The following MLLT10 variants were observed in gnomAD, a reference collection of about 807,000 sequenced individuals.
MLLT10 encodes the protein MLLT10 histone lysine methyltransferase DOT1L cofactor.
MLLT10 carries 30 observed loss-of-function variants against 129.1 expected under a neutral mutation model. That is an observed-to-expected ratio of 0.23 (90% CI 0.17 to 0.32). MLLT10 has a LOEUF of 0.32. MLLT10 is among the 10% of genes least tolerant of loss of function. MLLT10 has a pLI of 1.00. For synonymous variants in MLLT10, 490 were observed against 446.4 expected, an observed-to-expected ratio of 1.10 and a Z score of -1.23; for missense variants, 1,119 against 1,268.3, an observed-to-expected ratio of 0.88 and a Z score of 1.79.
intron 8 of MLLT10, among the ~76,000 whole-genome samples, chr10:21,643,861 A>G (rs2048242491): frequency 6.6e-6 from 1 of 152,148 alleles, no homozygotes. Flanking sequence ...TCTCTGCTTC[A>G]GGGATACACG....
chr10:21,677,382 G>T (rs1035598173), intron 11 of MLLT10, among the ~76,000 whole-genome samples: 2 of 152,170 alleles, frequency 1.3e-5, no homozygotes, highest in African/African-American at 2.4e-5. Context: ...AATGTATACA[G>T]TCATCCTTTG....
intron 13 of MLLT10, among the ~76,000 whole-genome samples, chr10:21,688,182 C>T (rs2053489858): frequency 6.6e-6 from 1 of 152,174 alleles, no homozygotes; most frequent in Non-Finnish European, 1.5e-5. Context: ...AATGAATCTA[C>T]ACTCTTTCAT....
Position 21,743,388 on chromosome 10 carries a change from TAATTG to T in MLLT10, c.*1408_*1412del, listed in dbSNP as rs1435241672. 4.8e-6 allele frequency: 1 copy of T among 207,282 alleles called. No individual in the cohort carries two copies. The highest frequency in any genetic ancestry group is 9.9e-6 in the Non-Finnish European group (1 of 101,430). 12.8% of individuals were successfully genotyped at this position (207,282 alleles called of 1,614,324 possible). Reference sequence around the variant, plus strand: ...TTGTAATATTTCTAATTGGTAGATTTAATTGAAAAGTAAAATTAATTTATTTTTAT... The same window carrying T: ...TTGTAATATTTCTAATTGGTAGATTTAAAAGTAAAATTAATTTATTTTTAT... On this transcript the variant is annotated 3_prime_UTR_variant, in exon 23 of 23. Coordinates refer to ENST00000307729, the MANE Select transcript of MLLT10 (RefSeq NM_001195626.3).
chr10:21,542,161 G>C (rs1339847407), intron 3 of MLLT10, among the ~76,000 whole-genome samples: 1 of 152,182 alleles, frequency 6.6e-6, no homozygotes. Context: ...TGAATAGGGA[G>C]TGTCAGAATG....
At chr10:21,537,676 C>A (rs1309438458) in intron 2 of MLLT10, among the ~76,000 whole-genome samples, 1 of 152,010 alleles carries the variant, frequency 6.6e-6, no homozygotes, top group Non-Finnish European at 1.5e-5. Flanking sequence ...ACCATCTTGG[C>A]CAGGCTGGTC....
At chr10:21,576,146 C>T (rs1324935630) in intron 3 of MLLT10, among the ~76,000 whole-genome samples, 6 of 151,388 alleles carry the variant, frequency 4.0e-5, no homozygotes, top group Admixed American at 6.6e-5. Context: ...AGGCTGGTTT[C>T]GAACCCCTGG....
chr10:21,636,247 AGTAGCTGG>A (rs2131280434), intron 8 of MLLT10, among the ~76,000 whole-genome samples: 1 of 152,102 alleles, frequency 6.6e-6, no homozygotes, highest in East Asian at 1.9e-4. Context: ...CAGCCTCTGG[AGTAGCTGG>A]TACTATAGGC....
In MLLT10 at chr10:21,617,172, C is replaced by T. The variant is rs1403669450; in HGVS notation, c.664C>T (p.His222Tyr). Reference sequence around the variant, plus strand: ...TCAAAGTTTAAGTGATTCTTCCTCTCACTCTCAGGATAAACATCATGAGAA... The same window carrying T: ...TCAAAGTTTAAGTGATTCTTCCTCTTACTCTCAGGATAAACATCATGAGAA... Reference protein sequence around the residue: ...YDQSLSDSSSHSQDKHHEKEK... With the variant: ...YDQSLSDSSSYSQDKHHEKEK... Residue 222 changes from histidine (H) to tyrosine (Y), a missense_variant, in exon 8 of 23, where the codon CAC becomes TAC. His to Tyr is a moderately conservative substitution (Grantham distance 83). Around this residue, in one of 5 missense-constraint regions of MLLT10, gnomAD observed 1,004 missense variants for 1,008.7 expected, o/e 1.00. Coordinates refer to ENST00000307729, the MANE Select transcript of MLLT10 (RefSeq NM_001195626.3). 6.5e-7 allele frequency: 1 copy of T among 1,541,650 alleles called. No individual in the cohort carries two copies. The highest frequency in any genetic ancestry group is 8.8e-7 in the Non-Finnish European group (1 of 1,140,796).
At chr10:21,702,374 G>A (rs115839108) in intron 13 of MLLT10, among the ~76,000 whole-genome samples, 1,919 of 152,252 alleles carry the variant, frequency 0.013, 35 homozygotes, top group African/African-American at 0.044. Context: ...GTCTGTCCTG[G>A]AGAATGTTCC....
Position 21,733,802 on chromosome 10 carries a change from C to T in MLLT10, c.2531C>T (p.Ser844Leu), listed in dbSNP as rs1362830713. The T allele has an allele frequency of 1.2e-6, 2 of 1,613,962 alleles. No individual in the cohort carries two copies. Among genetic ancestry groups the T allele is most frequent in the Non-Finnish European group, 8.5e-7 (1 of 1,179,954 alleles). The change falls in exon 20 of 23, where the codon TCA becomes TTA. Residue 844 changes from serine (S) to leucine (L), a missense_variant. Transcript: ENST00000307729. ...LTSSGQSTSS[S>L]SALSTPPPAG... The stretch of plus-strand genomic sequence containing the variant: ...TCCAGTGGACAAAGTACCAGCAGCT[C>T]ATCAGCTCTTTCTACCCCACCTCCT...
chr10:21,625,217 T>C (rs941833449), intron 8 of MLLT10: 74 of 1,490,480 alleles, frequency 5.0e-5, no homozygotes, highest in Admixed American at 2.0e-4. Context: ...TTGGCGCTCT[T>C]TCCTTTTCTT....
chr10:21,611,006 C>CT (rs1381355243), intron 5 of MLLT10, among the ~76,000 whole-genome samples: 2 of 51,726 alleles, frequency 3.9e-5, no homozygotes, highest in Non-Finnish European at 8.5e-5. Context: ...TTTTTTTTTC[C>CT]TTTTTTTGAG....
chr10:21,683,998 T>A (rs2053019727), intron 13 of MLLT10, among the ~76,000 whole-genome samples: 1 of 152,032 alleles, frequency 6.6e-6, no homozygotes, highest in Non-Finnish European at 1.5e-5. Context: ...AATTTTATTT[T>A]TTTTTCTAAC....
At position 21,574,517 on chromosome 10, in the gene MLLT10, T is replaced by C. The variant is rs1011840302; in HGVS notation, c.241-11777T>C. Among the ~76,000 whole-genome samples, 8 of 152,206 alleles carry C rather than the reference T, an allele frequency of 5.3e-5. 1 individual carries two copies. Among genetic ancestry groups the C allele is most frequent in the African/African-American group, 1.9e-4 (8 of 41,448 alleles). On this transcript the variant is annotated intron_variant, in intron 3 of 22. Coordinates refer to ENST00000307729, the MANE Select transcript of MLLT10 (RefSeq NM_001195626.3). ...GAGTAAAGTGAAAGCAAGTAACTTA[T>C]TAAGAAAGTAAAGGAATAAAAGAAT...
chr10:21,738,327 G>T, intron 21 of MLLT10: 1 of 1,055,614 alleles, frequency 9.5e-7, no homozygotes, highest in African/African-American at 1.7e-5. Context: ...CTTACCAGTT[G>T]CCTCATCTTA....
intron 15 of MLLT10, 48 bp from the exon 16 acceptor site, chr10:21,727,808 T>C: frequency 6.8e-7 from 1 of 1,466,536 alleles, no homozygotes; most frequent in Non-Finnish European, 9.5e-7. Context: ...TTAAAACCTC[T>C]TATCTAGTGA....
At chr10:21,628,430 TC>T (rs1160512076) in intron 8 of MLLT10, among the ~76,000 whole-genome samples, 4 of 145,132 alleles carry the variant, frequency 2.8e-5, no homozygotes, top group African/African-American at 1.0e-4. Context: ...GGATGCTCTC[TC>T]TTTTTTTTTT....
intron 13 of MLLT10, among the ~76,000 whole-genome samples, chr10:21,683,262 A>G (rs2052933823): frequency 6.6e-6 from 1 of 152,116 alleles, no homozygotes; most frequent in Admixed American, 6.6e-5. Context: ...TAGTAGATTG[A>G]TTCATAATTC....
intron 3 of MLLT10, chr10:21,556,784 T>C (rs1356482265): frequency 1.3e-6 from 2 of 1,593,284 alleles, no homozygotes; most frequent in East Asian, 2.3e-5. Flanking sequence ...GATGCATTGC[T>C]TTTGGGCTTG....
Sources: allele counts gnomAD v4.1 joint callset (sites outside exome capture counted in the v4.1 genomes callset), GRCh38; gene constraint gnomAD v4.1.1; regional missense constraint gnomAD v4.1.1; transcripts MANE v1.5; gene names NCBI Gene and HGNC (gene_info 2026-07-23, HGNC 2026-07-21).